Variants in THSD7A observed in about 807,000 individuals in gnomAD.
THSD7A encodes the protein thrombospondin type 1 domain containing 7A.
In THSD7A, 96 loss-of-function variants were observed where a neutral mutation model predicts 231.3. The observed-to-expected ratio is 0.41, with a 90% CI of 0.35 to 0.49. The LOEUF (loss-of-function observed/expected upper bound fraction) is 0.49. THSD7A is among the 20% of genes least tolerant of loss of function. THSD7A has a pLI of 0.05. For missense variants in THSD7A, 2,290 were observed against 2,070.2 expected (o/e 1.11, Z -2.06); for synonymous variants, 940 against 743.3 (o/e 1.26, Z -4.30).
In THSD7A at chr7:11,447,505, T is replaced by G. The variant is rs576536884; in HGVS notation, c.2606-81A>C. On this transcript the variant is annotated intron_variant, in intron 11 of 27. Coordinates refer to ENST00000423059, the MANE Select transcript of THSD7A (RefSeq NM_015204.3). ...ATTTAGAAGCTAACCTAACATTTGG[T>G]TAAGCAGTCAGAGAAAGCCTCTTGT... is the stretch of plus-strand genomic sequence containing the variant. The G allele has an allele frequency of 7.1e-6, 9 of 1,265,730 alleles. No homozygotes were observed. The East Asian group carries it at 2.5e-4, about 35-fold the overall frequency. The allele number at this position is 1,265,730 out of a possible 1,614,324, so 78.4% of individuals were successfully genotyped here. A position where few individuals can be genotyped will look rare whatever the true frequency, so the allele number is the denominator to read the frequency against.
chr7:11,589,031 G>C (rs1780042331), intron 4 of THSD7A, among the ~76,000 whole-genome samples: 1 of 152,150 alleles, frequency 6.6e-6, no homozygotes, highest in Admixed American at 6.5e-5. Flanking sequence ...GGTCACTGGT[G>C]TCAGTCCTTT....
intron 6 of THSD7A, among the ~76,000 whole-genome samples, chr7:11,536,901 CTG>C (rs1297124218): frequency 1.3e-5 from 2 of 152,234 alleles, no homozygotes; most frequent in African/African-American, 4.8e-5. Context: ...CCCCTTCACA[CTG>C]TTACTTTTTA....
At chr7:11,517,080 T>G (rs1474159419) in intron 6 of THSD7A, among the ~76,000 whole-genome samples, 32 of 152,130 alleles carry the variant, frequency 2.1e-4, no homozygotes, top group Admixed American at 2.0e-3. Context: ...TCCATATCAT[T>G]ATTTTATTTT....
At position 11,818,360 on chromosome 7, in the gene THSD7A, G is replaced by A. The variant is rs147170834; in HGVS notation, c.190+13397C>T. 4.6e-5 allele frequency among the ~76,000 whole-genome samples: 7 copies of A among 152,252 alleles called. No homozygotes were observed. The East Asian group carries it at 5.8e-4, about 13-fold the overall frequency. On this transcript the variant is annotated intron_variant, in intron 1 of 27. Coordinates refer to ENST00000423059, the MANE Select transcript of THSD7A (RefSeq NM_015204.3). ...TTTCCATCAAGCAGTATTGTTCTAC[G>A]TTAGGCTGTTAATAGTGTACTATAT...
At chr7:11,823,092 T>G (rs779980599) in intron 1 of THSD7A, among the ~76,000 whole-genome samples, 2 of 152,020 alleles carry the variant, frequency 1.3e-5, no homozygotes, top group Non-Finnish European at 2.9e-5. Context: ...AGGGGTCTTA[T>G]GCTTAAGATG....
At chr7:11,532,962 AC>A (rs1195713914) in intron 6 of THSD7A, among the ~76,000 whole-genome samples, 10 of 152,208 alleles carry the variant, frequency 6.6e-5, no homozygotes, top group Admixed American at 1.3e-4. Flanking sequence ...AGAAAGACTT[AC>A]GTGATTCACA....
chr7:11,489,225 T>C (rs1786789442), intron 6 of THSD7A, among the ~76,000 whole-genome samples: 1 of 152,102 alleles, frequency 6.6e-6, no homozygotes, highest in Non-Finnish European at 1.5e-5. Flanking sequence ...AGAACCTATA[T>C]TGCTTTTCTG....
intron 1 of THSD7A, among the ~76,000 whole-genome samples, chr7:11,802,295 T>C (rs1021658040): frequency 2.6e-5 from 4 of 152,196 alleles, no homozygotes; most frequent in Admixed American, 2.6e-4. Context: ...CCCACCCTAC[T>C]ATACTATTTA....
rs537091275 is a variant in THSD7A, at chr7:11,496,190, C to T, written c.1823-14208G>A. Among the ~76,000 whole-genome samples the T allele has an allele frequency of 5.9e-5, 9 of 152,116 alleles. No individual in the cohort carries two copies. In the South Asian group the frequency reaches 1.7e-3, roughly 28 times the overall value. On this transcript the variant is annotated intron_variant, in intron 6 of 27. Coordinates refer to ENST00000423059, the MANE Select transcript of THSD7A (RefSeq NM_015204.3). ...GCATTAAGTGTTTTACAGGATTTAG[C>T]GGATATAATTTTCCAACAACTCTAT...
chr7:11,525,886 G>A (rs1359100723), intron 6 of THSD7A, among the ~76,000 whole-genome samples: 2 of 152,174 alleles, frequency 1.3e-5, no homozygotes, highest in African/African-American at 4.8e-5. Flanking sequence ...AATGTAACGT[G>A]TGACTGGAAA....
chr7:11,420,003 G>A (rs1784091369), intron 16 of THSD7A, among the ~76,000 whole-genome samples: 1 of 152,128 alleles, frequency 6.6e-6, no homozygotes, highest in Non-Finnish European at 1.5e-5. Flanking sequence ...GCTTCTAAAA[G>A]CCTAGCTTAT....
chr7:11,700,501 T>C (rs972150468), intron 1 of THSD7A, among the ~76,000 whole-genome samples: 19 of 151,140 alleles, frequency 1.3e-4, no homozygotes, highest in African/African-American at 4.4e-4. Flanking sequence ...ATATATTGAC[T>C]CCAGTGAAAA....
chr7:11,440,535 G>A (rs1291826387), intron 13 of THSD7A, among the ~76,000 whole-genome samples: 1 of 152,038 alleles, frequency 6.6e-6, no homozygotes, highest in Non-Finnish European at 1.5e-5. Context: ...ATGGAAGGAG[G>A]TCATAATATC....
At chr7:11,432,539 A>G (rs1185215344) in intron 13 of THSD7A, among the ~76,000 whole-genome samples, 6 of 152,064 alleles carry the variant, frequency 3.9e-5, no homozygotes, top group Non-Finnish European at 8.8e-5. Context: ...TTACTTTTTA[A>G]AAATTTCATG....
At chr7:11,396,756 G>C (rs962200642) in intron 23 of THSD7A, among the ~76,000 whole-genome samples, 3 of 152,140 alleles carry the variant, frequency 2.0e-5, no homozygotes, top group Non-Finnish European at 4.4e-5. Context: ...TATAAAAAGA[G>C]GGACTCCTCC....
intron 2 of THSD7A, among the ~76,000 whole-genome samples, chr7:11,611,247 A>G (rs952599907): frequency 6.6e-6 from 1 of 152,140 alleles, no homozygotes; most frequent in African/African-American, 2.4e-5. Context: ...GAATCCAATT[A>G]TTTTAGAAGA....
Position 11,611,563 on chromosome 7 carries a change from G to T in THSD7A, c.1023-18061C>A, listed in dbSNP as rs181563031. Among the ~76,000 whole-genome samples, 469 of 151,436 alleles carry T rather than the reference G, an allele frequency of 3.1e-3. 3 individuals carry two copies. The highest frequency in any genetic ancestry group is 0.011 in the African/African-American group (450 of 41,288). On this transcript the variant is annotated intron_variant, in intron 2 of 27. Coordinates refer to ENST00000423059, the MANE Select transcript of THSD7A (RefSeq NM_015204.3). ...TAATACCTATCATCATTGATTTAAT[G>T]GTTTGTTAGGCATTAAACATCATTA...
intron 2 of THSD7A, among the ~76,000 whole-genome samples, chr7:11,597,000 A>G: frequency 6.6e-6 from 1 of 152,220 alleles, no homozygotes; most frequent in Non-Finnish European, 1.5e-5. Context: ...TCATCATCTT[A>G]TTCAGAAAGA....
intron 4 of THSD7A, among the ~76,000 whole-genome samples, chr7:11,547,813 A>G (rs554814237): frequency 6.6e-6 from 1 of 152,326 alleles, no homozygotes; most frequent in East Asian, 1.9e-4. Context: ...CTTTGAAATT[A>G]ATGAAAACAA....
Sources: gnomAD v4.1 joint callset for allele counts (sites outside exome capture counted in the v4.1 genomes callset) on GRCh38, gnomAD v4.1.1 for gene constraint, MANE v1.5 for transcripts, NCBI Gene and HGNC (gene_info 2026-07-23, HGNC 2026-07-21) for gene names.